Variants in PGAP2 observed in about 807,000 individuals in gnomAD.
PGAP2 encodes the protein post-GPI attachment to proteins 2, also known as acyltransferase PGAP2.
In PGAP2, 21 loss-of-function variants were observed where a neutral mutation model predicts 33.2. The observed-to-expected ratio is 0.63, with a 90% CI of 0.45 to 0.91. The LOEUF is 0.91. Ranked by LOEUF, PGAP2 falls within the 40% of genes least tolerant of loss-of-function variation. The probability of loss-of-function intolerance (pLI) is 0.00; values close to 1 mark genes in which losing one functional copy is unlikely to be tolerated. For synonymous variants in PGAP2, 161 were observed against 172.9 expected, an observed-to-expected ratio of 0.93 and a Z score of 0.54; for missense variants, 345 against 424.0, an observed-to-expected ratio of 0.81 and a Z score of 1.64.
At chr11:3,804,980 G>A (rs1467858130), upstream of PGAP2, among the ~76,000 whole-genome samples, 2 of 152,216 alleles carry the variant, frequency 1.3e-5, no homozygotes, top group African/African-American at 4.8e-5. Context: ...GGGATTACAG[G>A]CGTGAGCCAC....
chr11:3,799,673 G>C (rs1240508920), intron 1 of PGAP2, among the ~76,000 whole-genome samples: 1 of 151,834 alleles, frequency 6.6e-6, no homozygotes, highest in African/African-American at 2.4e-5. Flanking sequence ...TTATTTGTTT[G>C]TTTAAAAAAT....
At chr11:3,797,904 T>C (rs2082776376) in exon 1 of PGAP2, 3 of 1,548,266 alleles carry the variant, frequency 1.9e-6, no homozygotes, top group East Asian at 5.0e-5. Context: ...ACATAGAGAC[T>C]CCGCCCCCTT....
intron 1 of PGAP2, among the ~76,000 whole-genome samples, chr11:3,810,993 C>T (rs2085436567): frequency 6.6e-6 from 1 of 152,210 alleles, no homozygotes; most frequent in African/African-American, 2.4e-5. Flanking sequence ...GAAGCTCTCC[C>T]AGTCCATTCA....
intron 3 of PGAP2, 137 bp downstream of exon 3, chr11:3,817,672 C>T (rs759240225): frequency 1.3e-6 from 1 of 742,454 alleles, no homozygotes; most frequent in Admixed American, 2.0e-5. Context: ...GTAGGTAAGT[C>T]AGAGTCAGAG....
At chr11:3,814,768 C>CT (rs1299450207) in intron 2 of PGAP2, among the ~76,000 whole-genome samples, 4 of 98,376 alleles carry the variant, frequency 4.1e-5, no homozygotes, top group East Asian at 3.0e-4. Flanking sequence ...TTCTTTCTTT[C>CT]TTTCTTTCTT....
At chr11:3,808,119 C>T, upstream of PGAP2, 4 of 1,458,252 alleles carry the variant, frequency 2.7e-6, no homozygotes, top group Non-Finnish European at 3.7e-6. Context: ...TGTCCCCAAC[C>T]GCCCTGACGA....
intron 2 of PGAP2, among the ~76,000 whole-genome samples, chr11:3,814,790 T>G: frequency 9.1e-6 from 1 of 110,422 alleles, no homozygotes; most frequent in Non-Finnish European, 2.2e-5. Flanking sequence ...CTTTCTTTCT[T>G]TCTTTCTTTC....
intron 1 of PGAP2, among the ~76,000 whole-genome samples, chr11:3,802,192 G>A (rs1410095167): frequency 2.0e-5 from 3 of 150,512 alleles, no homozygotes; most frequent in African/African-American, 7.3e-5. Context: ...GCATACTTGT[G>A]GAAAGACTGG....
intron 2 of PGAP2, among the ~76,000 whole-genome samples, chr11:3,812,286 G>A (rs2085749710): frequency 6.6e-6 from 1 of 152,116 alleles, no homozygotes; most frequent in Non-Finnish European, 1.5e-5. Flanking sequence ...TTGATTAGCT[G>A]GGCATGGGGG....
chr11:3,814,802 TTC>T (rs1491010250), intron 2 of PGAP2, among the ~76,000 whole-genome samples: 1 of 120,640 alleles, frequency 8.3e-6, no homozygotes, highest in African/African-American at 2.8e-5. Context: ...CTTTCTTTCT[TTC>T]TTTCTTTCTC....
Position 3,802,826 on chromosome 11 carries a change from CTTTTTT to C in PGAP2, c.139+4857_139+4862del, listed in dbSNP as rs142858427. ...GAATACTTTGTATTTTGTTTTGTTT[CTTTTTT>C]TTTTTTTTTTTTGAGATGGAGACTG... On this transcript the variant is annotated intron_variant, in intron 1 of 6. Transcript: ENST00000300730. Among the ~76,000 whole-genome samples the C allele has an allele frequency of 1.4e-4, 19 of 139,246 alleles. 1 individual carries two copies. The highest frequency in any genetic ancestry group is 1.6e-4 in the African/African-American group (6 of 37,356). 91.4% of individuals were successfully genotyped at this position (139,246 alleles called of 152,430 possible). A position where few individuals can be genotyped will look rare whatever the true frequency, so the allele number is the denominator to read the frequency against.
At chr11:3,799,802 A>G (rs570709176) in intron 1 of PGAP2, among the ~76,000 whole-genome samples, 1 of 152,256 alleles carries the variant, frequency 6.6e-6, no homozygotes, top group East Asian at 1.9e-4. Context: ...GTCCCCACCT[A>G]TACAAAAAAT....
At chr11:3,822,251 C>G (rs951585284) in intron 3 of PGAP2, among the ~76,000 whole-genome samples, 3 of 152,008 alleles carry the variant, frequency 2.0e-5, no homozygotes, top group East Asian at 1.9e-4. Context: ...GTAGTCCCAG[C>G]TACTCGGGAG....
intron 5 of PGAP2, 151 bp from the exon 6 acceptor site, chr11:3,824,869 C>G: frequency 6.9e-7 from 1 of 1,458,760 alleles, no homozygotes; most frequent in South Asian, 1.4e-5. Flanking sequence ...ACATAGTCGT[C>G]ATTCTTGCTG....
At position 3,825,510 on chromosome 11, in the gene PGAP2, C is replaced by T. The variant is rs377126191; in HGVS notation, c.*52C>T. ...CAGCCCACTGCCCAGAAACAAGAAA[C>T]ACGATACCATTCTGGCCTTCCCCAC... On this transcript the variant is annotated 3_prime_UTR_variant, in exon 7 of 7. Transcript: ENST00000278243. 3.2e-6 allele frequency: 5 copies of T among 1,581,844 alleles called. No individual in the cohort carries two copies. The highest frequency in any genetic ancestry group is 1.8e-5 in the Admixed American group (1 of 56,210).
Position 3,817,259 on chromosome 11 carries a change from C to T in PGAP2, c.166-94C>T, listed in dbSNP as rs6578414. 131,974 of 950,974 alleles carry T rather than the reference C, an allele frequency of 0.14. 11,884 individuals carry two copies. Among genetic ancestry groups the T allele is most frequent in the African/African-American group, 0.38 (23,303 of 60,878 alleles). The allele number at this position is 950,974 out of a possible 1,614,324, so 58.9% of individuals were successfully genotyped here. On this transcript the variant is annotated intron_variant, in intron 2 of 6. Coordinates refer to ENST00000278243, the MANE Select transcript of PGAP2 (RefSeq NM_014489.4). The stretch of plus-strand genomic sequence containing the variant: ...TCTACCCTTTCTGCTCTGGCTTTTC[C>T]TTATACTCTGAGGAGCCATCTCTGG...
At chr11:3,816,518 C>T (rs991580749) in intron 2 of PGAP2, among the ~76,000 whole-genome samples, 2 of 152,100 alleles carry the variant, frequency 1.3e-5, no homozygotes, top group Non-Finnish European at 2.9e-5. Flanking sequence ...ACAGAGATCT[C>T]CTGGGTCTGG....
At chr11:3,823,202 A>ATTT in intron 3 of PGAP2, among the ~76,000 whole-genome samples, 1 of 145,190 alleles carries the variant, frequency 6.9e-6, no homozygotes, top group East Asian at 2.0e-4. Flanking sequence ...CGCCTGGCTA[A>ATTT]TTTTTTTTTT....
chr11:3,806,378 G>A (rs946155923), upstream of PGAP2, among the ~76,000 whole-genome samples: 9 of 152,096 alleles, frequency 5.9e-5, no homozygotes, highest in African/African-American at 2.2e-4. Flanking sequence ...TAAAGAACAG[G>A]ATAGGGGAGA....
Sources: gnomAD v4.1 joint callset for allele counts (sites outside exome capture counted in the v4.1 genomes callset) on GRCh38, gnomAD v4.1.1 for gene constraint, MANE v1.5 for transcripts, NCBI Gene and HGNC (gene_info 2026-07-23, HGNC 2026-07-21) for gene names.